The following CCDC63 variants were observed in gnomAD, a reference collection of about 807,000 sequenced individuals.
CCDC63 encodes the protein coiled-coil domain containing 63, also known as coiled-coil domain-containing protein 63.
A neutral mutation model predicts 63.6 loss-of-function variants in CCDC63; 54 were observed. That is an observed-to-expected ratio of 0.85 (90% CI 0.68 to 1.07). The LOEUF is 1.07. CCDC63 is among the 50% of genes least tolerant of loss of function. CCDC63 has a pLI of 0.00. For missense variants in CCDC63, 637 were observed against 689.6 expected, an observed-to-expected ratio of 0.92 and a Z score of 0.86; for synonymous variants, 253 against 266.1, an observed-to-expected ratio of 0.95 and a Z score of 0.48.
chr12:110,872,934 G>A (rs80307312), intron 4 of CCDC63, among the ~76,000 whole-genome samples: 1,607 of 152,160 alleles, frequency 0.011, 12 homozygotes, highest in Non-Finnish European at 0.014. Context: ...TATCTTTTTT[G>A]ATCAGATGTG....
chr12:110,886,695 T>C (rs1378623998), intron 8 of CCDC63, among the ~76,000 whole-genome samples: 1 of 151,984 alleles, frequency 6.6e-6, no homozygotes, highest in Non-Finnish European at 1.5e-5. Context: ...GCTGGGCTAC[T>C]CAGCAGCCAA....
chr12:110,867,164 C>T (rs1456006918), intron 4 of CCDC63, among the ~76,000 whole-genome samples: 7 of 136,298 alleles, frequency 5.1e-5, no homozygotes, highest in East Asian at 4.6e-4. Flanking sequence ...GGCGGCTGGC[C>T]GGGCGGGGGG....
chr12:110,858,672 G>A lies in CCDC63; in HGVS notation c.266G>A (p.Ser89Asn), dbSNP rs749600840. The A allele has an allele frequency of 1.2e-5, 20 of 1,614,044 alleles. No homozygotes were observed. In the African/African-American group the frequency reaches 2.4e-4, roughly 19 times the overall value. ...LMKSSRNMNRSEKNYMELRLL... is the reference protein window; with the variant it reads ...LMKSSRNMNRNEKNYMELRLL... ...AAATCCTCGAGGAACATGAATCGGA[G>A]TGAGAAGAACTACATGGAGCTGCGA... Residue 89 changes from serine (S) to asparagine (N), a missense_variant, in exon 4 of 12, where the codon AGT becomes AAT. Coordinates refer to ENST00000308208, the MANE Select transcript of CCDC63 (RefSeq NM_152591.3).
rs2070650028 is a variant in CCDC63, at chr12:110,847,341, A to G, written c.-97+236A>G. On this transcript the variant is annotated intron_variant, in intron 1 of 11. Transcript: ENST00000308208. ...CACTTTGGGAGGCTGAGGCAAGAGG[A>G]TCGCTTGAGCCCAGGGGTTCGAGAC... Among the ~76,000 whole-genome samples the G allele has an allele frequency of 3.9e-5, 6 of 152,268 alleles. No individual in the cohort carries two copies. The South Asian group carries it at 1.2e-3, about 32-fold the overall frequency.
intron 10 of CCDC63, among the ~76,000 whole-genome samples, chr12:110,901,765 TC>T (rs2071490710): frequency 6.6e-6 from 1 of 152,166 alleles, no homozygotes; most frequent in Admixed American, 6.6e-5. Flanking sequence ...AGGATCTCAT[TC>T]TTTTTTTGTA....
chr12:110,871,043 A>G (rs565768443), intron 4 of CCDC63, among the ~76,000 whole-genome samples: 2 of 152,322 alleles, frequency 1.3e-5, no homozygotes, highest in African/African-American at 4.8e-5. Context: ...CTCAGTTTCC[A>G]TCCAGAGACT....
At chr12:110,868,786 A>AGGGAGT (rs2071023219) in intron 4 of CCDC63, among the ~76,000 whole-genome samples, 1 of 134,164 alleles carries the variant, frequency 7.5e-6, no homozygotes, top group Non-Finnish European at 1.6e-5. Flanking sequence ...GGAGAGGGAG[A>AGGGAGT]GGGAGAGGGA....
chr12:110,907,482 A>G lies in CCDC63; in HGVS notation c.*6A>G, dbSNP rs550080238. ...GGAAGAAAGTAACCATGTGAGGTGCATGCATGGGGCCACCTTTGCAACATA... is the reference window on the plus strand; with the variant it reads ...GGAAGAAAGTAACCATGTGAGGTGCGTGCATGGGGCCACCTTTGCAACATA... On this transcript the variant is annotated 3_prime_UTR_variant, in exon 12 of 12. Coordinates refer to ENST00000308208, the MANE Select transcript of CCDC63 (RefSeq NM_152591.3). The surrounding 1 kb of genome is among the most constrained non-coding windows in gnomAD (Gnocchi z 4.4). 4.8e-5 allele frequency: 77 copies of G among 1,614,140 alleles called. 1 individual carries two copies. In the South Asian group the frequency reaches 7.5e-4, roughly 16 times the overall value.
intron 4 of CCDC63, among the ~76,000 whole-genome samples, chr12:110,865,121 C>T (rs886477043): frequency 3.3e-5 from 5 of 152,188 alleles, no homozygotes; most frequent in African/African-American, 9.7e-5. Flanking sequence ...ATCAATACAT[C>T]ACAGGCAGAG....
intron 9 of CCDC63, among the ~76,000 whole-genome samples, chr12:110,894,129 C>A (rs927357401): frequency 2.6e-5 from 4 of 152,106 alleles, no homozygotes; most frequent in African/African-American, 9.7e-5. Context: ...TCCAAGGGCA[C>A]CTCATGGTTG....
intron 5 of CCDC63, among the ~76,000 whole-genome samples, chr12:110,876,336 T>C (rs910011831): frequency 6.6e-6 from 1 of 151,928 alleles, no homozygotes; most frequent in Non-Finnish European, 1.5e-5. Flanking sequence ...CAAGAGGAAG[T>C]GGAGGATGCA....
intron 4 of CCDC63, among the ~76,000 whole-genome samples, chr12:110,862,741 TTTTC>T (rs1168922274): frequency 2.6e-5 from 4 of 151,142 alleles, no homozygotes. Context: ...GTTTTCTTTC[TTTTC>T]TTTTTCTTTT....
In CCDC63 at chr12:110,889,418, G is replaced by C. The variant is rs933863906; in HGVS notation, c.1075-3658G>C. Among the ~76,000 whole-genome samples the C allele has an allele frequency of 6.6e-6, 1 of 152,182 alleles. No individual in the cohort carries two copies. The highest frequency in any genetic ancestry group is 2.4e-5 in the African/African-American group (1 of 41,424). On this transcript the variant is annotated intron_variant, in intron 8 of 11. Transcript: ENST00000308208. This position sits in a 1 kb window ranked among gnomAD's most constrained non-coding sequence, Gnocchi z 4.1. The stretch of plus-strand genomic sequence containing the variant: ...ACAGCGTAAGACGGGTTTTGGAGCC[G>C]GTTGGGGCCCCGGGCAGTTGAGAAG...
At chr12:110,884,339 G>A in intron 8 of CCDC63, 89 bp downstream of exon 8, 2 of 1,017,400 alleles carry the variant, frequency 2.0e-6, no homozygotes, top group Admixed American at 3.8e-5. Flanking sequence ...TCTGTGAGAG[G>A]CACTACAGAA....
intron 8 of CCDC63, among the ~76,000 whole-genome samples, chr12:110,885,127 G>A (rs934235174): frequency 6.6e-6 from 1 of 151,274 alleles, no homozygotes; most frequent in Non-Finnish European, 1.5e-5. Flanking sequence ...GGCTATTTCT[G>A]TGTAGCCCAT....
rs1316428921 is a variant in CCDC63 at position 110,885,141 on chromosome 12, C to G, written c.1074+891C>G. Among the ~76,000 whole-genome samples, 27 of 149,074 alleles carry G rather than the reference C, an allele frequency of 1.8e-4. No homozygotes were observed. The Admixed American group carries it at 1.8e-3, about 10-fold the overall frequency. ...TGGCTATTTCTGTGTAGCCCATGAG[C>G]TAAGAATGATTTTTACATTTTTAAA... On this transcript the variant is annotated intron_variant, in intron 8 of 11. Transcript: ENST00000308208.
Position 110,848,838 on chromosome 12 carries a change from A to G in CCDC63, c.-97+1733A>G, listed in dbSNP as rs572505690. On this transcript the variant is annotated intron_variant, in intron 1 of 11. Transcript: ENST00000308208. ...AAGATGGTGCATTACAAATCCACTT[A>G]GGACCCAAAGGGCCCTGGAACATAG... 2.0e-5 allele frequency among the ~76,000 whole-genome samples: 3 copies of G among 152,354 alleles called. No homozygotes were observed. In the East Asian group the frequency reaches 5.8e-4, roughly 29 times the overall value.
At chr12:110,874,056 C>A in intron 5 of CCDC63, 95 bp downstream of exon 5, 1 of 1,465,388 alleles carries the variant, frequency 6.8e-7, no homozygotes. Flanking sequence ...AGAACATACC[C>A]ATTTCCCTGG....
rs182195449 is a variant in CCDC63 at position 110,877,639 on chromosome 12, C to T, written c.490-2267C>T. ...ACCTCCATCTCCCTGCTCCCTTTCCCCCTCACCCCCTCTGCCCTGGTAACC... is the reference window on the plus strand; with the variant it reads ...ACCTCCATCTCCCTGCTCCCTTTCCTCCTCACCCCCTCTGCCCTGGTAACC... On this transcript the variant is annotated intron_variant, in intron 5 of 11. Transcript: ENST00000308208. Among the ~76,000 whole-genome samples the T allele has an allele frequency of 2.6e-5, 4 of 152,084 alleles. No individual in the cohort carries two copies. In the East Asian group the frequency reaches 7.7e-4, roughly 29 times the overall value.
Sources: allele counts gnomAD v4.1 joint callset (sites outside exome capture counted in the v4.1 genomes callset), GRCh38; gene constraint gnomAD v4.1.1; non-coding constraint Gnocchi (gnomAD v3.1); transcripts MANE v1.5; gene names NCBI Gene and HGNC (gene_info 2026-07-23, HGNC 2026-07-21).